Variants in RANBP17 observed in about 807,000 individuals in gnomAD.
RANBP17 encodes the protein RAN binding protein 17.
RANBP17 carries 158 observed loss-of-function variants against 141.2 expected under a neutral mutation model. The observed-to-expected ratio is 1.12, with a 90% CI of 0.98 to 1.28. RANBP17 has a LOEUF of 1.28. RANBP17 is among the 50% of genes most tolerant of loss of function. The pLI, the probability that RANBP17 is intolerant of heterozygous loss-of-function variation, is 0.00. For synonymous variants in RANBP17, 430 were observed against 450.0 expected (o/e 0.96, Z 0.56); for missense variants, 1,438 against 1,290.7 (o/e 1.11, Z -1.75).
chr5:170,957,212 C>T (rs546396615), intron 13 of RANBP17, among the ~76,000 whole-genome samples: 1 of 152,138 alleles, frequency 6.6e-6, no homozygotes, highest in East Asian at 1.9e-4. Context: ...AAGCAGCAAA[C>T]GTATTGAACA....
chr5:171,204,339 A>G (rs1762457311), intron 19 of RANBP17, among the ~76,000 whole-genome samples: 2 of 152,206 alleles, frequency 1.3e-5, no homozygotes, highest in Non-Finnish European at 2.9e-5. Context: ...TACTTCTGAG[A>G]GTTAAACTAT....
intron 22 of RANBP17, among the ~76,000 whole-genome samples, chr5:171,222,334 G>T (rs541115839): frequency 4.6e-5 from 7 of 152,182 alleles, no homozygotes; most frequent in Non-Finnish European, 8.8e-5. Flanking sequence ...ATAGTATTTG[G>T]TTAGCAGTTT....
intron 14 of RANBP17, among the ~76,000 whole-genome samples, chr5:171,072,136 G>A (rs538602951): frequency 1.6e-3 from 245 of 152,200 alleles, no homozygotes; most frequent in Middle Eastern, 6.8e-3. Context: ...AGAAGAGGAA[G>A]TCAGAGATAC....
intron 25 of RANBP17, among the ~76,000 whole-genome samples, chr5:171,281,271 A>C (rs1767845529): frequency 6.6e-6 from 1 of 152,220 alleles, no homozygotes; most frequent in Admixed American, 6.5e-5. Flanking sequence ...ACAGTGATGG[A>C]AAGTGCAAGG....
chr5:171,267,897 C>T (rs1766833865), intron 25 of RANBP17, among the ~76,000 whole-genome samples: 1 of 152,208 alleles, frequency 6.6e-6, no homozygotes, highest in Admixed American at 6.5e-5. Context: ...TCCTGGCTGC[C>T]ATTTTTTGCT....
intron 2 of RANBP17, among the ~76,000 whole-genome samples, chr5:170,880,129 A>G (rs1768536859): frequency 6.6e-6 from 1 of 152,168 alleles, no homozygotes; most frequent in East Asian, 1.9e-4. Context: ...TGTGTCCTCA[A>G]CTTCTTTGGA....
intron 14 of RANBP17, among the ~76,000 whole-genome samples, chr5:171,047,917 C>T (rs887934884): frequency 7.2e-5 from 11 of 151,920 alleles, no homozygotes; most frequent in South Asian, 4.2e-4. Context: ...TTATGGATCA[C>T]GCTTTTGATA....
chr5:171,298,191 C>T (rs1768938854), intron 27 of RANBP17, among the ~76,000 whole-genome samples: 1 of 152,142 alleles, frequency 6.6e-6, no homozygotes, highest in African/African-American at 2.4e-5. Context: ...CTTGAGGTAA[C>T]TACTCATATT....
intron 14 of RANBP17, among the ~76,000 whole-genome samples, chr5:171,146,346 C>T (rs747654404): frequency 1.7e-4 from 26 of 152,296 alleles, no homozygotes; most frequent in Non-Finnish European, 3.1e-4. Flanking sequence ...GTGACTTCTA[C>T]GTGCCAGTAT....
intron 14 of RANBP17, among the ~76,000 whole-genome samples, chr5:171,140,958 A>G (rs993537414): frequency 3.9e-5 from 6 of 152,202 alleles, no homozygotes; most frequent in African/African-American, 1.4e-4. Context: ...TGAAAATTGA[A>G]TGAATTAATG....
At chr5:171,109,322 G>A (rs1755058399) in intron 14 of RANBP17, among the ~76,000 whole-genome samples, 1 of 152,116 alleles carries the variant, frequency 6.6e-6, no homozygotes, top group African/African-American at 2.4e-5. Flanking sequence ...TTAAGCTATA[G>A]TTGTTTATTC....
At chr5:170,916,720 T>A in intron 9 of RANBP17, 136 bp downstream of exon 9, 7 of 320,956 alleles carry the variant, frequency 2.2e-5, no homozygotes, top group Non-Finnish European at 3.2e-5. Flanking sequence ...CTTAGAGCTT[T>A]TTTTTTTTTT....
intron 14 of RANBP17, among the ~76,000 whole-genome samples, chr5:171,037,435 T>C (rs574621400): frequency 1.8e-4 from 27 of 152,270 alleles, no homozygotes; most frequent in Non-Finnish European, 7.4e-5. Flanking sequence ...AGAAGCTCTA[T>C]AGTTTCATTA....
At chr5:171,127,986 G>A (rs1215628292) in intron 14 of RANBP17, among the ~76,000 whole-genome samples, 4 of 152,178 alleles carry the variant, frequency 2.6e-5, no homozygotes, top group East Asian at 3.9e-4. Flanking sequence ...GTGAAACCCC[G>A]TCTCTACTAA....
chr5:170,955,166 C>T (rs1267094977), intron 13 of RANBP17, among the ~76,000 whole-genome samples: 1 of 152,088 alleles, frequency 6.6e-6, no homozygotes, highest in Admixed American at 6.5e-5. Context: ...AAACTGGTCC[C>T]TGGTGCCAAA....
intron 14 of RANBP17, among the ~76,000 whole-genome samples, chr5:171,044,469 TC>T (rs898772528): frequency 1.3e-5 from 2 of 152,040 alleles, no homozygotes; most frequent in African/African-American, 4.8e-5. Flanking sequence ...TAACATTTTT[TC>T]AAACCATCTT....
chr5:171,120,025 G>A (rs927240908), intron 14 of RANBP17, among the ~76,000 whole-genome samples: 16 of 105,590 alleles, frequency 1.5e-4, no homozygotes, highest in East Asian at 6.4e-4. Context: ...CAACAAGAGC[G>A]AAACTTAGTC....
intron 16 of RANBP17, among the ~76,000 whole-genome samples, chr5:171,174,062 G>C (rs796833355): frequency 7.9e-5 from 12 of 152,216 alleles, no homozygotes; most frequent in African/African-American, 2.9e-4. Flanking sequence ...CAGAATTGCT[G>C]TTTGCCAAAT....
chr5:170,982,457 A>G (rs1418498934), intron 14 of RANBP17, among the ~76,000 whole-genome samples: 2 of 152,234 alleles, frequency 1.3e-5, no homozygotes, highest in Admixed American at 6.5e-5. Context: ...TATTAAAACC[A>G]TTAAAAGGAT....
Sources: allele counts gnomAD v4.1 joint callset (sites outside exome capture counted in the v4.1 genomes callset), GRCh38; gene constraint gnomAD v4.1.1; transcripts MANE v1.5; gene names NCBI Gene and HGNC (gene_info 2026-07-23, HGNC 2026-07-21).